SEZ6L: variants seen among roughly 807,000 people sequenced by gnomAD.
SEZ6L encodes the protein seizure related 6 homolog like, also known as seizure 6-like protein.
In SEZ6L, 37 loss-of-function variants were observed where a neutral mutation model predicts 106.2. The observed-to-expected ratio is 0.35, with a 90% CI of 0.27 to 0.46. The LOEUF is 0.46. Ranked by LOEUF, SEZ6L falls within the 20% of genes least tolerant of loss-of-function variation. The pLI is 1.00. For synonymous variants in SEZ6L, 541 were observed against 570.4 expected, an observed-to-expected ratio of 0.95 and a Z score of 0.73; for missense variants, 1,172 against 1,332.8, an observed-to-expected ratio of 0.88 and a Z score of 1.88.
chr22:26,225,202 C>G (rs2078599446), intron 1 of SEZ6L, among the ~76,000 whole-genome samples: 1 of 152,194 alleles, frequency 6.6e-6, no homozygotes, highest in African/African-American at 2.4e-5. Context: ...CTTGGTGCAG[C>G]TCTCAGGAAC....
At chr22:26,333,142 G>A (rs1181895421) in intron 9 of SEZ6L, among the ~76,000 whole-genome samples, 1 of 152,230 alleles carries the variant, frequency 6.6e-6, no homozygotes, top group African/African-American at 2.4e-5. Context: ...ACACTAAATG[G>A]CATGTCCACA....
chr22:26,200,480 A>T (rs1940862918), intron 1 of SEZ6L, among the ~76,000 whole-genome samples: 1 of 152,170 alleles, frequency 6.6e-6, no homozygotes, highest in South Asian at 2.1e-4. Context: ...GGACTTGTGG[A>T]ATCCCCACCA....
chr22:26,345,739 T>G (rs1432649808), intron 10 of SEZ6L, among the ~76,000 whole-genome samples: 1 of 152,226 alleles, frequency 6.6e-6, no homozygotes, highest in African/African-American at 2.4e-5. Context: ...GGTGCTCTCC[T>G]TTCCCCAGAA....
chr22:26,216,721 C>T (rs1297144596), intron 1 of SEZ6L, among the ~76,000 whole-genome samples: 1 of 152,012 alleles, frequency 6.6e-6, no homozygotes, highest in African/African-American at 2.4e-5. Context: ...AAGTAGTGTC[C>T]TTATGTGAAT....
rs933492204 is a variant in SEZ6L, at chr22:26,362,882, C to T, written c.2600-2490C>T. Reference sequence around the variant, plus strand: ...TCAAGAGTGAAGCCAGATTCCTACCCGTCCACCCACTGGAGGAGATCAAAG... The same window carrying T: ...TCAAGAGTGAAGCCAGATTCCTACCTGTCCACCCACTGGAGGAGATCAAAG... On this transcript the variant is annotated intron_variant, in intron 12 of 16. Coordinates refer to ENST00000248933, the MANE Select transcript of SEZ6L (RefSeq NM_021115.5). Among the ~76,000 whole-genome samples the T allele has an allele frequency of 2.9e-4, 44 of 152,304 alleles. 1 individual carries two copies. Among genetic ancestry groups the T allele is most frequent in the Non-Finnish European group, 4.9e-4 (33 of 68,022 alleles).
intron 13 of SEZ6L, among the ~76,000 whole-genome samples, chr22:26,367,327 ATTTGTTTGTTTGTT>A (rs1157999768): frequency 1.3e-5 from 2 of 151,138 alleles, no homozygotes; most frequent in Admixed American, 6.6e-5. Context: ...GTTTTTGTTG[ATTTGTTTGTTTGTT>A]TTTGTTTGTT....
At chr22:26,210,950 G>T (rs1407351187) in intron 1 of SEZ6L, among the ~76,000 whole-genome samples, 1 of 152,190 alleles carries the variant, frequency 6.6e-6, no homozygotes, top group African/African-American at 2.4e-5. Flanking sequence ...AATTGGCTGG[G>T]GTAGAGTAGC....
chr22:26,179,865 C>T (rs1451210898), intron 1 of SEZ6L, among the ~76,000 whole-genome samples: 1 of 152,184 alleles, frequency 6.6e-6, no homozygotes, highest in Non-Finnish European at 1.5e-5. Flanking sequence ...AGCATAATCA[C>T]CACATGTGCA....
At chr22:26,380,244 T>C (rs780636899) in intron 16 of SEZ6L, 22 bp from the exon 17 acceptor site, 1 of 1,613,068 alleles carries the variant, frequency 6.2e-7, no homozygotes, top group Admixed American at 1.7e-5. Flanking sequence ...GTTTGACAAA[T>C]CCGTGCTTCT....
At chr22:26,351,548 G>GTTGGTTA (rs1569475128) in intron 12 of SEZ6L, 4 of 224,354 alleles carry the variant, frequency 1.8e-5, no homozygotes, top group African/African-American at 9.4e-5. Flanking sequence ...TTTGTTTGTT[G>GTTGGTTA]GTTGGTTGGT....
intron 10 of SEZ6L, among the ~76,000 whole-genome samples, chr22:26,341,681 C>T (rs1342163129): frequency 6.6e-6 from 1 of 152,164 alleles, no homozygotes; most frequent in Non-Finnish European, 1.5e-5. Context: ...CTACCCACCA[C>T]CACCACTACC....
rs199770989 is a variant in SEZ6L, at chr22:26,310,715, C to T, written c.1560C>T (p.Tyr520=). Residue 520 remains tyrosine (Y), a synonymous_variant, in exon 7 of 17, where the codon TAC becomes TAT. Coordinates refer to ENST00000248933, the MANE Select transcript of SEZ6L (RefSeq NM_021115.5). ...AGACCAACAAGTCAGCTCTTCTCTA[C>T]GACTCCCTTCAAACCGAGAGTGTCC... ...SGQTNKSALL[Y]DSLQTESVPF... The T allele has an allele frequency of 5.8e-5, 93 of 1,614,146 alleles. 1 individual carries two copies. The Admixed American group carries it at 7.7e-4, about 13-fold the overall frequency.
intron 1 of SEZ6L, among the ~76,000 whole-genome samples, chr22:26,288,458 G>A (rs1017726595): frequency 6.6e-6 from 1 of 152,182 alleles, no homozygotes; most frequent in African/African-American, 2.4e-5. Flanking sequence ...GAGAGGGAAA[G>A]GGAAGAGGCT....
chr22:26,332,690 C>T (rs1421219715), intron 9 of SEZ6L, among the ~76,000 whole-genome samples: 1 of 152,230 alleles, frequency 6.6e-6, no homozygotes, highest in African/African-American at 2.4e-5. Context: ...TCAAGTGATC[C>T]TCCAGCCTTG....
At chr22:26,370,726 G>A (rs912109282) in intron 13 of SEZ6L, among the ~76,000 whole-genome samples, 1 of 151,964 alleles carries the variant, frequency 6.6e-6, no homozygotes, top group Non-Finnish European at 1.5e-5. Context: ...AAAAAAGGCT[G>A]GGTGTGGTGG....
At chr22:26,284,183 G>A (rs576361615) in intron 1 of SEZ6L, among the ~76,000 whole-genome samples, 32 of 152,300 alleles carry the variant, frequency 2.1e-4, no homozygotes, top group African/African-American at 7.5e-4. Context: ...GTGTCTTACC[G>A]GCAGTAACAG....
In SEZ6L at chr22:26,195,544, A is replaced by G. The variant is rs1413212743; in HGVS notation, c.94+25781A>G. 2.0e-5 allele frequency among the ~76,000 whole-genome samples: 3 copies of G among 152,204 alleles called. No homozygotes were observed. In the East Asian group the frequency reaches 5.8e-4, roughly 29 times the overall value. On this transcript the variant is annotated intron_variant, in intron 1 of 16. Coordinates refer to ENST00000248933, the MANE Select transcript of SEZ6L (RefSeq NM_021115.5). ...ATGTAGTAAGCACTCAATATATTCT[A>G]GATATTCTATTATGTTGTATTTATT...
intron 11 of SEZ6L, among the ~76,000 whole-genome samples, chr22:26,348,703 A>AAAGAAAGGG (rs1207033331): frequency 2.4e-5 from 1 of 41,480 alleles, no homozygotes; most frequent in African/African-American, 1.1e-4. Flanking sequence ...AGAAAGAAAG[A>AAAGAAAGGG]AGGCAAGGGA....
intron 9 of SEZ6L, among the ~76,000 whole-genome samples, chr22:26,338,166 T>C (rs1417652985): frequency 6.6e-6 from 1 of 152,214 alleles, no homozygotes; most frequent in East Asian, 1.9e-4. Flanking sequence ...TGCTCAGTCA[T>C]ACAGTTCCCG....
Sources: gnomAD v4.1 joint callset for allele counts (sites outside exome capture counted in the v4.1 genomes callset) on GRCh38, gnomAD v4.1.1 for gene constraint, MANE v1.5 for transcripts, NCBI Gene and HGNC (gene_info 2026-07-23, HGNC 2026-07-21) for gene names.